CD5: variants seen among roughly 807,000 people sequenced by gnomAD.
The protein encoded by CD5 is CD5 molecule, also known as T-cell surface glycoprotein CD5.
A neutral mutation model predicts 60.3 loss-of-function variants in CD5; 36 were observed. The observed-to-expected ratio is 0.60, with a 90% CI of 0.46 to 0.79. The LOEUF is 0.79. CD5 is among the 30% of genes least tolerant of loss of function. CD5 has a pLI of 0.00. For missense variants in CD5, 540 were observed against 630.6 expected (o/e 0.86, Z 1.54); for synonymous variants, 230 against 257.6 (o/e 0.89, Z 1.03).
rs1434624872 is a variant in CD5, at chr11:61,121,869, A to G, written c.1064A>G (p.Glu355Gly). The change falls in exon 6 of 11, where the codon GAG becomes GGG. Residue 355 changes from glutamate to glycine, a missense_variant. By Grantham distance (98) the Glu-to-Gly change is moderately conservative (BLOSUM62 -2). Coordinates refer to ENST00000347785, the MANE Select transcript of CD5 (RefSeq NM_014207.4). ...CTGTCCCAGTGCCACGAACTTTGGG[A>G]GAGAAATTCCTACTGCAAGAAGGTG... ...QKLSQCHELW[E>G]RNSYCKKVFV... 1 of 1,561,006 alleles carries G rather than the reference A, an allele frequency of 6.4e-7. No homozygotes were observed. The highest frequency in any genetic ancestry group is 8.7e-7 in the Non-Finnish European group (1 of 1,146,500).
At chr11:61,104,486 C>T (rs1216950751) in intron 1 of CD5, among the ~76,000 whole-genome samples, 1 of 152,156 alleles carries the variant, frequency 6.6e-6, no homozygotes, top group Non-Finnish European at 1.5e-5. Flanking sequence ...CCGTGTCCTG[C>T]TCTAGGGCCC....
chr11:61,121,858 C>A lies in CD5; in HGVS notation c.1053C>A (p.His351Gln). The change falls in exon 6 of 11, where the codon CAC (histidine) becomes CAA (glutamine). Residue 351 changes from histidine (H) to glutamine (Q), a missense_variant. Physicochemically the swap from His to Gln is conservative, Grantham distance 24. Transcript: ENST00000347785. ...FCPHQKLSQCHELWERNSYCK... is the reference protein window; with the variant it reads ...FCPHQKLSQCQELWERNSYCK... ...CCCATCAGAAGCTGTCCCAGTGCCA[C>A]GAACTTTGGGAGAGAAATTCCTACT... 1 of 1,568,112 alleles carries A rather than the reference C, an allele frequency of 6.4e-7. No individual in the cohort carries two copies. The highest frequency in any genetic ancestry group is 8.7e-7 in the Non-Finnish European group (1 of 1,150,422).
chr11:61,125,703 T>C (rs750811222), intron 9 of CD5, 48 bp from the exon 10 acceptor site: 2 of 1,384,344 alleles, frequency 1.4e-6, no homozygotes, highest in Non-Finnish European at 2.0e-6. Context: ...TCCAAGGGGC[T>C]CTGTGGAGTC....
In CD5 at chr11:61,106,040, G is replaced by A. The variant is rs184726486; in HGVS notation, c.55+3425G>A. ...CTCAGGAGGCTGAGGCAGGAGAACCGCTTGAACCTGGGAGGCGGAGGTTGC... is the reference window on the plus strand; with the variant it reads ...CTCAGGAGGCTGAGGCAGGAGAACCACTTGAACCTGGGAGGCGGAGGTTGC... On this transcript the variant is annotated intron_variant, in intron 1 of 10. Coordinates refer to ENST00000347785, the MANE Select transcript of CD5 (RefSeq NM_014207.4). Among the ~76,000 whole-genome samples, 582 of 146,042 alleles carry A rather than the reference G, an allele frequency of 4.0e-3. 4 individuals carry two copies. Among genetic ancestry groups the A allele is most frequent in the African/African-American group, 0.014 (555 of 39,444 alleles).
At chr11:61,108,209 C>G (rs997790034) in intron 1 of CD5, among the ~76,000 whole-genome samples, 1 of 152,180 alleles carries the variant, frequency 6.6e-6, no homozygotes, top group Admixed American at 6.5e-5. Flanking sequence ...AGCCTTGTCT[C>G]TGTGACAGCA....
upstream of CD5, among the ~76,000 whole-genome samples, chr11:61,100,753 T>A (rs1482182237): frequency 1.4e-3 from 62 of 45,104 alleles, no homozygotes; most frequent in Middle Eastern, 0.017. Context: ...GAGATCACAT[T>A]CACACACATC....
intron 9 of CD5, 106 bp downstream of exon 9, chr11:61,125,257 T>C: frequency 7.8e-7 from 1 of 1,284,960 alleles, no homozygotes; most frequent in East Asian, 2.4e-5. Flanking sequence ...AAAGACAGAA[T>C]GGAGACCCCA....
the CD5 span, among the ~76,000 whole-genome samples, chr11:61,096,777 C>G: frequency 2.6e-5 from 4 of 152,224 alleles, no homozygotes; most frequent in Non-Finnish European, 4.4e-5. Flanking sequence ...TCTAGCTAAG[C>G]AATGGCCCCA....
chr11:61,116,234 A>C (rs1387219312), intron 2 of CD5, among the ~76,000 whole-genome samples: 1 of 152,104 alleles, frequency 6.6e-6, no homozygotes, highest in African/African-American at 2.4e-5. Context: ...AAAAAATATA[A>C]AAAGATCTGT....
Position 61,119,224 on chromosome 11 carries a change from C to T in CD5, c.464-10C>T. The T allele has an allele frequency of 1.9e-6, 3 of 1,578,436 alleles. No individual in the cohort carries two copies. The highest frequency in any genetic ancestry group is 2.6e-6 in the Non-Finnish European group (3 of 1,162,622). ...AGGGTGGCTCCCCCTCCTGCTCTCT[C>T]CTCTCCTAGCTCCTCCCAGGCTGCA... On this transcript the variant is annotated splice_polypyrimidine_tract_variant and intron_variant, in intron 4 of 10. Transcript: ENST00000347785.
chr11:61,102,452 CTGAGCA>C, upstream of CD5: 1 of 651,240 alleles, frequency 1.5e-6, no homozygotes, highest in Non-Finnish European at 2.7e-6. Flanking sequence ...CCACCCCTCC[CTGAGCA>C]CGCCACCCCG....
chr11:61,101,879 C>G (rs1220755912), upstream of CD5, among the ~76,000 whole-genome samples: 1 of 150,954 alleles, frequency 6.6e-6, no homozygotes, highest in African/African-American at 2.4e-5. Context: ...ACACAGAGAT[C>G]ACACAAGTCA....
In CD5 at chr11:61,122,907, G is replaced by A. The variant is rs1257275881; in HGVS notation, c.1100G>A (p.Cys367Tyr). 1 of 1,611,580 alleles carries A rather than the reference G, an allele frequency of 6.2e-7. No individual in the cohort carries two copies. The change falls in exon 7 of 11, where the codon TGC (cysteine) becomes TAC (tyrosine). Residue 367 changes from cysteine (C) to tyrosine (Y), a missense_variant and splice_region_variant. Cys to Tyr is a radical substitution (Grantham distance 194). Transcript: ENST00000347785. ...NSYCKKVFVT[C>Y]QDPNPAGLAA... ...GACCTAACTCTTCCTCCTTCCCCAG[G>A]CCAGGATCCAAACCCCGCAGGCCTG...
chr11:61,125,639 C>T lies in CD5; in HGVS notation c.1400-112C>T, dbSNP rs543113486. 74 of 630,582 alleles carry T rather than the reference C, an allele frequency of 1.2e-4. No homozygotes were observed. In the South Asian group the frequency reaches 1.5e-3, roughly 13 times the overall value. 39.1% of individuals were successfully genotyped at this position (630,582 alleles called of 1,614,324 possible). A position where few individuals can be genotyped will look rare whatever the true frequency, so the allele number is the denominator to read the frequency against. On this transcript the variant is annotated intron_variant, in intron 9 of 10. Coordinates refer to ENST00000347785, the MANE Select transcript of CD5 (RefSeq NM_014207.4). ...ATCAAAACAGATAAGGGGTTGTCAC[C>T]GGCTCATAAAGCCCCTGTGATCTTC...
the CD5 span, among the ~76,000 whole-genome samples, chr11:61,095,779 A>G: frequency 6.6e-6 from 1 of 152,216 alleles, no homozygotes; most frequent in African/African-American, 2.4e-5. Context: ...GAGGTCATCC[A>G]AGGAAAAGAG....
At chr11:61,103,306 C>A (rs1421999639) in intron 1 of CD5, among the ~76,000 whole-genome samples, 1 of 152,194 alleles carries the variant, frequency 6.6e-6, no homozygotes, top group Non-Finnish European at 1.5e-5. Context: ...CTTGATCTCC[C>A]CATTTATGAA....
upstream of CD5, among the ~76,000 whole-genome samples, chr11:61,099,466 T>TCAACATGGAGATCACACACACA (rs1555008889): frequency 1.1e-3 from 22 of 20,830 alleles, no homozygotes; most frequent in African/African-American, 6.1e-3. Context: ...TACACATACA[T>TCAACATGGAGATCACACACACA]CAACATGGAG....
chr11:61,095,334 G>C, the CD5 span, among the ~76,000 whole-genome samples: 1 of 152,168 alleles, frequency 6.6e-6, no homozygotes, highest in Non-Finnish European at 1.5e-5. Flanking sequence ...GTGATATACT[G>C]GGGTAGATGA....
At chr11:61,108,704 T>C (rs1187221901) in intron 1 of CD5, among the ~76,000 whole-genome samples, 1 of 152,132 alleles carries the variant, frequency 6.6e-6, no homozygotes, top group Non-Finnish European at 1.5e-5. Context: ...GCTGTAGCTA[T>C]GGGGAGGTCT....
Sources: gnomAD v4.1 joint callset for allele counts (sites outside exome capture counted in the v4.1 genomes callset) on GRCh38, gnomAD v4.1.1 for gene constraint, MANE v1.5 for transcripts, NCBI Gene and HGNC (gene_info 2026-07-23, HGNC 2026-07-21) for gene names.